FAM107B: variants seen among roughly 807,000 people sequenced by gnomAD.
FAM107B encodes protein FAM107B.
In FAM107B, 21 loss-of-function variants were observed where a neutral mutation model predicts 31.5. The observed-to-expected ratio is 0.67, with a 90% CI of 0.47 to 0.96. FAM107B has a LOEUF of 0.96. Among genes scored for constraint, FAM107B ranks in the 40% least tolerant of loss-of-function variants. The pLI is 0.00. For synonymous variants in FAM107B, 157 were observed against 141.5 expected, an observed-to-expected ratio of 1.11 and a Z score of -0.78; for missense variants, 452 against 377.1, an observed-to-expected ratio of 1.20 and a Z score of -1.64.
At chr10:14,589,050 T>C (rs1588638171) in intron 2 of FAM107B, among the ~76,000 whole-genome samples, 1 of 151,252 alleles carries the variant, frequency 6.6e-6, no homozygotes, top group South Asian at 2.1e-4. Context: ...GGTGTGGTGG[T>C]GCATGCCGGT....
At chr10:14,530,612 C>T (rs1588487490) in intron 2 of FAM107B, 97 bp from the exon 3 acceptor site, 5 of 1,134,900 alleles carry the variant, frequency 4.4e-6, no homozygotes, top group Non-Finnish European at 6.3e-6. Context: ...TATGCTAACA[C>T]ATGCCATCCT....
At chr10:14,756,776 G>T (rs1588758809) in intron 1 of FAM107B, among the ~76,000 whole-genome samples, 1 of 152,180 alleles carries the variant, frequency 6.6e-6, no homozygotes, top group Non-Finnish European at 1.5e-5. Context: ...GCCCATCAAT[G>T]ATAGACTAGA....
intron 2 of FAM107B, among the ~76,000 whole-genome samples, chr10:14,530,866 G>A (rs1846904930): frequency 2.0e-5 from 3 of 152,172 alleles, no homozygotes. Context: ...CAGAAAAAAA[G>A]AAAGTTCAAA....
In FAM107B at chr10:14,562,308, T is replaced by G. The variant is rs540369373; in HGVS notation, c.470-31793A>C. Among the ~76,000 whole-genome samples, 6 of 152,236 alleles carry G rather than the reference T, an allele frequency of 3.9e-5. No homozygotes were observed. In the South Asian group the frequency reaches 1.2e-3, roughly 32 times the overall value. On this transcript the variant is annotated intron_variant, in intron 2 of 4. Transcript: ENST00000181796. The stretch of plus-strand genomic sequence containing the variant: ...TCACAGTCTACACTTCAAAGGGTGA[T>G]GCACCTTCCTAAACAGTCTTGGGAG...
At position 14,693,154 on chromosome 10, in the gene FAM107B, T is replaced by C. The variant is rs562282398; in HGVS notation, c.412-25463A>G. 1.6e-4 allele frequency among the ~76,000 whole-genome samples: 25 copies of C among 152,314 alleles called. No individual in the cohort carries two copies. The East Asian group carries it at 2.5e-3, about 15-fold the overall frequency. On this transcript the variant is annotated intron_variant, in intron 1 of 4. Coordinates refer to ENST00000181796, the MANE Select transcript of FAM107B (RefSeq NM_031453.4). ...TCAATTAGTCTACCTCTGTGTGTGT[T>C]TTTTAAATATAACTTTTATTGTATA...
At chr10:14,750,313 T>A (rs898708004) in intron 1 of FAM107B, among the ~76,000 whole-genome samples, 3 of 152,136 alleles carry the variant, frequency 2.0e-5, no homozygotes, top group Non-Finnish European at 2.9e-5. Flanking sequence ...AGAAAAGCAT[T>A]TTTTTAAAGC....
intron 2 of FAM107B, among the ~76,000 whole-genome samples, chr10:14,579,810 T>C (rs1851576487): frequency 6.6e-6 from 1 of 151,592 alleles, no homozygotes; most frequent in South Asian, 2.1e-4. Flanking sequence ...TCACTTGAGG[T>C]CAGGAGTTCG....
chr10:14,595,832 C>T (rs183536083), intron 2 of FAM107B, among the ~76,000 whole-genome samples: 2 of 152,362 alleles, frequency 1.3e-5, no homozygotes, highest in Admixed American at 6.5e-5. Flanking sequence ...CAATGCCTTT[C>T]TCTCTTGTAT....
intron 1 of FAM107B, among the ~76,000 whole-genome samples, chr10:14,690,338 T>C (rs138570879): frequency 3.2e-4 from 49 of 152,336 alleles, no homozygotes; most frequent in African/African-American, 1.1e-3. Flanking sequence ...CTGTTTCTGC[T>C]TCCTCCCCTC....
intron 2 of FAM107B, among the ~76,000 whole-genome samples, chr10:14,563,525 C>T (rs1431344481): frequency 6.6e-6 from 1 of 152,100 alleles, no homozygotes; most frequent in Non-Finnish European, 1.5e-5. Flanking sequence ...TTATAGGTGA[C>T]TTAACTATTC....
chr10:14,665,210 C>T (rs957635427), intron 2 of FAM107B, among the ~76,000 whole-genome samples: 1 of 152,180 alleles, frequency 6.6e-6, no homozygotes, highest in African/African-American at 2.4e-5. Context: ...ACTTCATTTG[C>T]TCTTTTCTGC....
At chr10:14,620,249 C>T (rs1468951300) in intron 2 of FAM107B, among the ~76,000 whole-genome samples, 1 of 151,996 alleles carries the variant, frequency 6.6e-6, no homozygotes, top group Non-Finnish European at 1.5e-5. Flanking sequence ...GATGTCTCGA[C>T]CTCGTGATCC....
chr10:14,660,526 A>G (rs1854206877), intron 2 of FAM107B, among the ~76,000 whole-genome samples: 1 of 152,234 alleles, frequency 6.6e-6, no homozygotes, highest in South Asian at 2.1e-4. Context: ...TCTCTCTATA[A>G]AAGTGGTACT....
chr10:14,682,075 T>C (rs897571236), intron 1 of FAM107B, among the ~76,000 whole-genome samples: 9 of 152,232 alleles, frequency 5.9e-5, no homozygotes, highest in African/African-American at 1.9e-4. Context: ...TAGGTATGTA[T>C]GCTGTAGGAT....
intron 2 of FAM107B, among the ~76,000 whole-genome samples, chr10:14,541,186 T>C (rs1240793973): frequency 6.6e-6 from 1 of 152,168 alleles, no homozygotes; most frequent in African/African-American, 2.4e-5. Flanking sequence ...GGCTTCTCCA[T>C]GGCCTCCATC....
intron 2 of FAM107B, among the ~76,000 whole-genome samples, chr10:14,628,435 T>TAGGAAAG (rs1202302628): frequency 6.6e-6 from 1 of 152,192 alleles, no homozygotes; most frequent in African/African-American, 2.4e-5. Context: ...CTATCTTTCC[T>TAGGAAAG]ACCCAGATGG....
intron 1 of FAM107B, among the ~76,000 whole-genome samples, chr10:14,772,164 C>G (rs1453314169): frequency 6.6e-6 from 1 of 152,026 alleles, no homozygotes; most frequent in African/African-American, 2.4e-5. Flanking sequence ...ACCATCCTGG[C>G]TAACACGGTG....
intron 3 of FAM107B, among the ~76,000 whole-genome samples, chr10:14,522,696 G>A (rs1845791704): frequency 6.6e-6 from 1 of 152,054 alleles, no homozygotes; most frequent in Non-Finnish European, 1.5e-5. Context: ...TTACAGGCGT[G>A]AGCCACCACA....
At chr10:14,617,546 T>C (rs1451642716) in intron 2 of FAM107B, among the ~76,000 whole-genome samples, 2 of 152,156 alleles carry the variant, frequency 1.3e-5, no homozygotes, top group Non-Finnish European at 2.9e-5. Flanking sequence ...AATTTCACAA[T>C]TGATGGCTGC....
Sources: allele counts gnomAD v4.1 joint callset (sites outside exome capture counted in the v4.1 genomes callset), GRCh38; gene constraint gnomAD v4.1.1; transcripts MANE v1.5; gene names NCBI Gene and HGNC (gene_info 2026-07-23, HGNC 2026-07-21).